The following ARHGAP32 variants were observed in gnomAD, a reference collection of about 807,000 sequenced individuals.
ARHGAP32 encodes Rho GTPase activating protein 32.
Under a neutral mutation model 186.5 loss-of-function variants are expected in ARHGAP32, and 51 were observed. That is an observed-to-expected ratio of 0.27 (90% CI 0.22 to 0.35). The LOEUF (loss-of-function observed/expected upper bound fraction) is 0.35, where lower values mean the gene tolerates loss of function less well. ARHGAP32 is among the 10% of genes least tolerant of loss of function. The probability of loss-of-function intolerance (pLI) is 1.00; values close to 1 mark genes in which losing one functional copy is unlikely to be tolerated. For missense variants in ARHGAP32, 2,186 were observed against 2,623.5 expected (o/e 0.83, Z 3.64); for synonymous variants, 950 against 964.3 (o/e 0.99, Z 0.27).
At chr11:128,995,248 C>T (rs1283843868) in intron 12 of ARHGAP32, among the ~76,000 whole-genome samples, 1 of 151,982 alleles carries the variant, frequency 6.6e-6, no homozygotes, top group Non-Finnish European at 1.5e-5. Flanking sequence ...GCCTTGTTGC[C>T]CAGGCTGGAA....
At chr11:129,049,860 G>A (rs1260089317) in intron 10 of ARHGAP32, among the ~76,000 whole-genome samples, 1 of 151,064 alleles carries the variant, frequency 6.6e-6, no homozygotes, top group Non-Finnish European at 1.5e-5. Flanking sequence ...GTTTCTATAT[G>A]GACACATGCT....
chr11:129,240,112 G>A (rs2135664388), intron 1 of ARHGAP32, among the ~76,000 whole-genome samples: 1 of 152,008 alleles, frequency 6.6e-6, no homozygotes, highest in Admixed American at 6.6e-5. Flanking sequence ...CGTGATCTCG[G>A]CTCACTGCAA....
intron 10 of ARHGAP32, among the ~76,000 whole-genome samples, chr11:129,054,502 A>G (rs948270312): frequency 6.6e-6 from 1 of 152,206 alleles, no homozygotes; most frequent in African/African-American, 2.4e-5. Flanking sequence ...TCAGATACCA[A>G]TGGCTCCTAG....
chr11:129,028,185 CAT>C (rs1938947063), intron 11 of ARHGAP32, among the ~76,000 whole-genome samples: 1 of 152,124 alleles, frequency 6.6e-6, no homozygotes, highest in Admixed American at 6.6e-5. Context: ...GGAAAAAAGA[CAT>C]ATAGAAAGTG....
chr11:129,206,799 G>A lies in ARHGAP32; in HGVS notation c.-4-42372C>T, dbSNP rs1035982749. Among the ~76,000 whole-genome samples, 2 of 151,224 alleles carry A rather than the reference G, an allele frequency of 1.3e-5. 1 individual carries two copies. Among genetic ancestry groups the A allele is most frequent in the Admixed American group, 1.3e-4 (2 of 15,124 alleles). ...CTTTAAGTTCTGGGGTACATGTGCA[G>A]AACGTGTAGGTTTGTTACATAGGTA... On this transcript the variant is annotated intron_variant, in intron 1 of 6. Coordinates refer to the ARHGAP32 transcript ENST00000525234.
intron 1 of ARHGAP32, among the ~76,000 whole-genome samples, chr11:129,206,134 C>T (rs1459638123): frequency 6.6e-6 from 1 of 152,018 alleles, no homozygotes; most frequent in African/African-American, 2.4e-5. Flanking sequence ...ATTATCTTAC[C>T]TTAGGAATCC....
intron 2 of ARHGAP32, among the ~76,000 whole-genome samples, chr11:129,142,102 A>T (rs1404576196): frequency 6.6e-6 from 1 of 150,730 alleles, no homozygotes; most frequent in Non-Finnish European, 1.5e-5. Context: ...TTTTTTGTTA[A>T]TCACTGAACC....
intron 18 of ARHGAP32, among the ~76,000 whole-genome samples, chr11:128,980,250 A>G (rs2136100343): frequency 6.6e-6 from 1 of 152,388 alleles, no homozygotes; most frequent in East Asian, 1.9e-4. Flanking sequence ...TATAAACAAC[A>G]TAGTTCAGAG....
intron 2 of ARHGAP32, among the ~76,000 whole-genome samples, chr11:129,145,022 T>C (rs1943139266): frequency 6.6e-6 from 1 of 152,186 alleles, no homozygotes; most frequent in Non-Finnish European, 1.5e-5. Flanking sequence ...TTAAATGTTA[T>C]ACTTTTCTAT....
chr11:129,087,510 G>A (rs1321494704), intron 6 of ARHGAP32, among the ~76,000 whole-genome samples: 1 of 152,204 alleles, frequency 6.6e-6, no homozygotes, highest in Non-Finnish European at 1.5e-5. Context: ...TATACTGTAT[G>A]AATCCAACTA....
chr11:129,106,673 C>A (rs576026535), intron 5 of ARHGAP32, among the ~76,000 whole-genome samples: 1 of 151,970 alleles, frequency 6.6e-6, no homozygotes, highest in East Asian at 1.9e-4. Context: ...CTCCCTGAAT[C>A]TAATATAAAA....
intron 11 of ARHGAP32, among the ~76,000 whole-genome samples, chr11:129,039,198 TA>T (rs1405878837): frequency 5.3e-5 from 8 of 152,122 alleles, no homozygotes; most frequent in Admixed American, 1.3e-4. Flanking sequence ...CTTCAAAGAT[TA>T]AATATAGTTA....
At chr11:129,021,892 A>G (rs1260500226) in intron 11 of ARHGAP32, among the ~76,000 whole-genome samples, 1 of 152,076 alleles carries the variant, frequency 6.6e-6, no homozygotes, top group African/African-American at 2.4e-5. Context: ...GCATTTTACC[A>G]GAAGCAGGAG....
intron 1 of ARHGAP32, among the ~76,000 whole-genome samples, chr11:129,171,581 G>C (rs972226649): frequency 6.6e-6 from 1 of 152,152 alleles, no homozygotes; most frequent in South Asian, 2.1e-4. Context: ...TAGCGTTGTA[G>C]TATAGTTTGA....
At chr11:129,265,017 AAACCTAAAAAGCCT>A (rs1293466991) in intron 1 of ARHGAP32, among the ~76,000 whole-genome samples, 2 of 152,232 alleles carry the variant, frequency 1.3e-5, no homozygotes. Flanking sequence ...ATCAGCATGA[AAACCTAAAAAGCCT>A]AACCTTCACC....
chr11:129,086,633 A>G (rs929524824), intron 6 of ARHGAP32, among the ~76,000 whole-genome samples: 30 of 152,132 alleles, frequency 2.0e-4, no homozygotes, highest in Non-Finnish European at 3.2e-4. Context: ...CATCCCGGCT[A>G]GCACGGTGAA....
intron 2 of ARHGAP32, among the ~76,000 whole-genome samples, chr11:129,159,816 TC>T (rs1943491593): frequency 6.6e-6 from 1 of 151,912 alleles, no homozygotes. Context: ...AATGTGAAAA[TC>T]CTCAATAAAA....
At chr11:129,104,839 C>T (rs1375116554) in intron 5 of ARHGAP32, among the ~76,000 whole-genome samples, 1 of 152,066 alleles carries the variant, frequency 6.6e-6, no homozygotes, top group African/African-American at 2.4e-5. Flanking sequence ...TTTAGAATAA[C>T]CAAGAGATCA....
intron 6 of ARHGAP32, among the ~76,000 whole-genome samples, chr11:129,092,538 T>C (rs985174162): frequency 1.3e-5 from 2 of 151,976 alleles, no homozygotes; most frequent in African/African-American, 4.8e-5. Context: ...CTTCCCTACA[T>C]TCTCAAAGAA....
Sources: gnomAD v4.1 joint callset for allele counts (sites outside exome capture counted in the v4.1 genomes callset) on GRCh38, gnomAD v4.1.1 for gene constraint, MANE v1.5 for transcripts, NCBI Gene and HGNC (gene_info 2026-07-23, HGNC 2026-07-21) for gene names.